ULK4: variants seen among roughly 807,000 people sequenced by gnomAD.
The protein encoded by ULK4 is inactive serine/threonine-protein kinase ULK4.
Under a neutral mutation model 160.6 loss-of-function variants are expected in ULK4, and 133 were observed. The ratio of observed to expected loss-of-function variants is 0.83; its 90% CI spans 0.72 to 0.96. ULK4 has a LOEUF of 0.96. Among genes scored for constraint, ULK4 ranks in the 40% least tolerant of loss-of-function variants. The pLI, the probability that ULK4 is intolerant of heterozygous loss-of-function variation, is 0.00. For synonymous variants in ULK4, 534 were observed against 539.8 expected (o/e 0.99, Z 0.15); for missense variants, 1,580 against 1,499.5 (o/e 1.05, Z -0.89).
At chr3:41,453,560 G>C (rs1433356281) in intron 34 of ULK4, among the ~76,000 whole-genome samples, 2 of 152,080 alleles carry the variant, frequency 1.3e-5, no homozygotes, top group Non-Finnish European at 2.9e-5. Context: ...ATAACTTCAT[G>C]ATCTCATTAG....
intron 30 of ULK4, among the ~76,000 whole-genome samples, chr3:41,624,118 G>C (rs981921127): frequency 6.6e-6 from 1 of 152,206 alleles, no homozygotes; most frequent in Non-Finnish European, 1.5e-5. Flanking sequence ...ACGTGAGGCT[G>C]AGGCTCCTTA....
chr3:41,759,853 G>C (rs1213132445), intron 21 of ULK4, among the ~76,000 whole-genome samples: 9 of 152,088 alleles, frequency 5.9e-5, no homozygotes, highest in Non-Finnish European at 1.2e-4. Context: ...ATTGGAAAAA[G>C]GATAATCATA....
intron 17 of ULK4, among the ~76,000 whole-genome samples, chr3:41,853,782 G>C (rs1455333420): frequency 6.6e-6 from 1 of 152,186 alleles, no homozygotes. Context: ...CCGGTTTACA[G>C]AGGCTGTGTA....
At chr3:41,799,778 A>G (rs6776724) in intron 20 of ULK4, among the ~76,000 whole-genome samples, 45,601 of 152,006 alleles carry the variant, frequency 0.3, 9,659 homozygotes, top group African/African-American at 0.61. Flanking sequence ...CAGTAGAATT[A>G]CTTGAACCTG....
chr3:41,494,924 T>C (rs2084930158), intron 32 of ULK4, among the ~76,000 whole-genome samples: 1 of 151,838 alleles, frequency 6.6e-6, no homozygotes, highest in South Asian at 2.1e-4. Flanking sequence ...CTCAATGAAA[T>C]AAAAGAGGAT....
At chr3:41,391,032 T>C (rs544302743) in intron 35 of ULK4, among the ~76,000 whole-genome samples, 45 of 152,140 alleles carry the variant, frequency 3.0e-4, no homozygotes, top group Admixed American at 5.2e-4. Context: ...AGCTTCCACA[T>C]ATGAGTGAGA....
intron 33 of ULK4, 41 bp from the exon 34 acceptor site, chr3:41,455,636 T>C (rs773372186): frequency 1.3e-6 from 2 of 1,599,750 alleles, no homozygotes; most frequent in Non-Finnish European, 1.7e-6. Context: ...GTCTTGGTGA[T>C]TAGTCAGCTT....
chr3:41,855,963 T>C (rs1042468085), intron 17 of ULK4, among the ~76,000 whole-genome samples: 5 of 152,162 alleles, frequency 3.3e-5, no homozygotes, highest in Admixed American at 6.6e-5. Context: ...GCAGCAAACA[T>C]AGAAGCTAAA....
At position 41,681,482 on chromosome 3, in the gene ULK4, C is replaced by G. The variant is rs769532072; in HGVS notation, c.2978+26G>C. 8.1e-6 allele frequency: 13 copies of G among 1,612,742 alleles called. No individual in the cohort carries two copies. The Admixed American group carries it at 8.4e-5, about 10-fold the overall frequency. ...TTCCTGGATAGCCTACACTTCTCTG[C>G]ATGAATACAACTGCATGATACTTAC... On this transcript the variant is annotated intron_variant, in intron 29 of 36. Transcript: ENST00000301831.
chr3:41,523,959 G>T (rs2086022162), intron 32 of ULK4, among the ~76,000 whole-genome samples: 1 of 152,160 alleles, frequency 6.6e-6, no homozygotes, highest in Non-Finnish European at 1.5e-5. Context: ...ATGAAATGAA[G>T]TACCAATACA....
rs568532247 is a variant in ULK4, at chr3:41,885,889, G to A, written c.1578-1937C>T. Reference sequence around the variant, plus strand: ...AATGGGGTTTCGCCATGTTGTCCAGGCTGGTGTTGAACTCCTGAGCTCAAG... The same window carrying A: ...AATGGGGTTTCGCCATGTTGTCCAGACTGGTGTTGAACTCCTGAGCTCAAG... On this transcript the variant is annotated intron_variant, in intron 16 of 36. Transcript: ENST00000301831. Among the ~76,000 whole-genome samples, 241 of 152,110 alleles carry A rather than the reference G, an allele frequency of 1.6e-3. 3 individuals are homozygous for A. The highest frequency in any genetic ancestry group is 2.4e-3 in the Non-Finnish European group (165 of 67,988).
chr3:41,506,767 A>AAAAAAAAAAAAAAAAAAAAAATATATAT, intron 32 of ULK4, among the ~76,000 whole-genome samples: 12 of 56,790 alleles, frequency 2.1e-4, no homozygotes, highest in East Asian at 8.2e-4. Flanking sequence ...TGTGATTTAA[A>AAAAAAAAAAAAAAAAAAAAAATATATAT]ATATATATAT....
At chr3:41,609,250 AAT>A (rs1265842787) in intron 31 of ULK4, among the ~76,000 whole-genome samples, 15 of 152,138 alleles carry the variant, frequency 9.9e-5, no homozygotes, top group Non-Finnish European at 7.3e-5. Flanking sequence ...CACATTTACT[AAT>A]ATGTTTATTA....
intron 32 of ULK4, among the ~76,000 whole-genome samples, chr3:41,474,855 A>G (rs960391089): frequency 6.6e-6 from 1 of 151,834 alleles, no homozygotes; most frequent in Non-Finnish European, 1.5e-5. Context: ...ATTGGCAACA[A>G]TGTGGAGGAA....
intron 32 of ULK4, among the ~76,000 whole-genome samples, chr3:41,484,439 C>G (rs2084435146): frequency 7.1e-6 from 1 of 140,728 alleles, no homozygotes; most frequent in South Asian, 2.3e-4. Context: ...ACCTGAGTGA[C>G]TTTTTTTTCT....
rs555837547 is a variant in ULK4 at position 41,572,997 on chromosome 3, T to A, written c.3121-6867A>T. On this transcript the variant is annotated intron_variant, in intron 31 of 36. Transcript: ENST00000301831. Reference sequence around the variant, plus strand: ...CACAAAAGGCAATCCCACTACACTTTAAGATTATGACGAAAATATTTAACT... The same window carrying A: ...CACAAAAGGCAATCCCACTACACTTAAAGATTATGACGAAAATATTTAACT... Among the ~76,000 whole-genome samples, 6 of 152,222 alleles carry A rather than the reference T, an allele frequency of 3.9e-5. No homozygotes were observed. In the South Asian group the frequency reaches 1.2e-3, roughly 32 times the overall value.
chr3:41,607,655 C>G (rs143859689), intron 31 of ULK4, among the ~76,000 whole-genome samples: 330 of 152,214 alleles, frequency 2.2e-3, no homozygotes, highest in African/African-American at 7.6e-3. Flanking sequence ...ACAAAGATAT[C>G]CTGTTCATTT....
chr3:41,437,834 G>C (rs1316295200), intron 34 of ULK4, among the ~76,000 whole-genome samples: 1 of 152,174 alleles, frequency 6.6e-6, no homozygotes, highest in Non-Finnish European at 1.5e-5. Flanking sequence ...AAGACTTCTT[G>C]AAGGGATATA....
At chr3:41,804,742 G>C (rs1250484468) in intron 19 of ULK4, among the ~76,000 whole-genome samples, 5 of 151,888 alleles carry the variant, frequency 3.3e-5, no homozygotes, top group Admixed American at 2.0e-4. Context: ...AATAGGGAAT[G>C]CTTTCCCCAT....
Sources: gnomAD v4.1 joint callset for allele counts (sites outside exome capture counted in the v4.1 genomes callset) on GRCh38, gnomAD v4.1.1 for gene constraint, MANE v1.5 for transcripts, NCBI Gene and HGNC (gene_info 2026-07-23, HGNC 2026-07-21) for gene names.